Variants in UBAC2 observed in about 807,000 individuals in gnomAD.
UBAC2 encodes UBA domain containing 2.
Under a neutral mutation model 44.0 loss-of-function variants are expected in UBAC2, and 26 were observed. The observed-to-expected ratio is 0.59, with a 90% CI of 0.43 to 0.82. The LOEUF (loss-of-function observed/expected upper bound fraction) is 0.82. Ranked by LOEUF, UBAC2 falls within the 40% of genes least tolerant of loss-of-function variation. The pLI is 0.00. For synonymous variants in UBAC2, 155 were observed against 154.3 expected (o/e 1.00, Z -0.04); for missense variants, 329 against 419.4 (o/e 0.78, Z 1.88).
rs185739509 is a variant in UBAC2, at chr13:99,379,372, A to G, written c.928-5856A>G. Among the ~76,000 whole-genome samples the G allele has an allele frequency of 5.9e-5, 9 of 152,374 alleles. No individual in the cohort carries two copies. The South Asian group carries it at 1.0e-3, about 18-fold the overall frequency. On this transcript the variant is annotated intron_variant, in intron 8 of 8. Transcript: ENST00000403766. ...TTCTGGCATCAGATTTTTGTCAGCA[A>G]TGACCTTGGCAAACTCACCAATGAA...
At chr13:99,324,444 A>T (rs552790691) in intron 6 of UBAC2, among the ~76,000 whole-genome samples, 1 of 152,348 alleles carries the variant, frequency 6.6e-6, no homozygotes, top group African/African-American at 2.4e-5. Flanking sequence ...GCAGCTCCTC[A>T]GACTCCAGAA....
chr13:99,247,120 G>C (rs1222768166), intron 4 of UBAC2, among the ~76,000 whole-genome samples: 1 of 152,052 alleles, frequency 6.6e-6, no homozygotes, highest in Non-Finnish European at 1.5e-5. Context: ...GCAGGTGTGA[G>C]CCACTGCACC....
At chr13:99,282,557 T>C (rs116398056) in intron 4 of UBAC2, among the ~76,000 whole-genome samples, 2,653 of 152,310 alleles carry the variant, frequency 0.017, 78 homozygotes, top group African/African-American at 0.06. Context: ...ATAGGAAATA[T>C]GTTTTGTTCA....
At chr13:99,250,276 A>G (rs1220261323) in intron 4 of UBAC2, among the ~76,000 whole-genome samples, 1 of 152,200 alleles carries the variant, frequency 6.6e-6, no homozygotes, top group Non-Finnish European at 1.5e-5. Context: ...TTTTCTGCAT[A>G]TGACTAGCCA....
intron 2 of UBAC2, among the ~76,000 whole-genome samples, chr13:99,241,264 CAAAAA>C (rs35336464): frequency 2.6e-4 from 30 of 114,826 alleles, no homozygotes; most frequent in Non-Finnish European, 3.0e-4. Flanking sequence ...GACCCTGTCT[CAAAAA>C]AAAAAAAAAA....
At chr13:99,271,964 A>AT (rs1451272944) in intron 4 of UBAC2, among the ~76,000 whole-genome samples, 1 of 152,162 alleles carries the variant, frequency 6.6e-6, no homozygotes, top group Admixed American at 6.5e-5. Context: ...TTAGATTTTA[A>AT]TTTTTTGTTA....
intron 4 of UBAC2, among the ~76,000 whole-genome samples, chr13:99,273,598 T>G (rs1035126843): frequency 6.6e-6 from 1 of 152,094 alleles, no homozygotes; most frequent in South Asian, 2.1e-4. Context: ...TACCTTGCAG[T>G]GTGGCTGTTG....
intron 6 of UBAC2, among the ~76,000 whole-genome samples, chr13:99,338,056 T>TC (rs2044823828): frequency 1.2e-5 from 1 of 84,844 alleles, no homozygotes; most frequent in Non-Finnish European, 2.7e-5. Context: ...TCTTTTTTTT[T>TC]TTTTTTTTTT....
At chr13:99,244,088 G>A in intron 3 of UBAC2, 137 bp downstream of exon 3, 2 of 703,922 alleles carry the variant, frequency 2.8e-6, no homozygotes, top group Non-Finnish European at 2.2e-6. Flanking sequence ...CTGATTTGAG[G>A]CACATGGACA....
intron 7 of UBAC2, among the ~76,000 whole-genome samples, chr13:99,352,914 C>CGT (rs1201511504): frequency 1.3e-5 from 2 of 152,178 alleles, no homozygotes; most frequent in East Asian, 1.9e-4. Context: ...GGGCAGTGCA[C>CGT]GTGTGTTGCA....
At chr13:99,311,664 T>C (rs2044412524) in intron 4 of UBAC2, among the ~76,000 whole-genome samples, 1 of 152,260 alleles carries the variant, frequency 6.6e-6, no homozygotes, top group Non-Finnish European at 1.5e-5. Context: ...TCAGAATTAA[T>C]AATCTAATGG....
At chr13:99,383,916 CCTT>C (rs1412300287) in intron 8 of UBAC2, among the ~76,000 whole-genome samples, 2 of 152,250 alleles carry the variant, frequency 1.3e-5, no homozygotes, top group African/African-American at 4.8e-5. Flanking sequence ...ACTCTCTGCA[CCTT>C]CTTCCTCACC....
chr13:99,293,782 G>A (rs1238673177), intron 4 of UBAC2, among the ~76,000 whole-genome samples: 1 of 152,098 alleles, frequency 6.6e-6, no homozygotes, highest in East Asian at 1.9e-4. Flanking sequence ...TTGAAAATGG[G>A]TAAGATGAGA....
chr13:99,277,144 T>TA (rs139522463), intron 4 of UBAC2, among the ~76,000 whole-genome samples: 7 of 152,014 alleles, frequency 4.6e-5, no homozygotes, highest in East Asian at 1.9e-4. Context: ...CTTATACCTT[T>TA]AAAAAAAATC....
At chr13:99,369,425 T>C (rs2045377029) in intron 8 of UBAC2, among the ~76,000 whole-genome samples, 1 of 152,166 alleles carries the variant, frequency 6.6e-6, no homozygotes, top group Admixed American at 6.5e-5. Context: ...ACCGTTCTGT[T>C]TTTCACTTGC....
chr13:99,360,191 C>G (rs1225973012), intron 7 of UBAC2, among the ~76,000 whole-genome samples: 1 of 152,158 alleles, frequency 6.6e-6, no homozygotes, highest in Non-Finnish European at 1.5e-5. Context: ...GAAATATGTT[C>G]AGGTCTTCCA....
chr13:99,209,202 GC>G (rs2142650452), intron 1 of UBAC2, among the ~76,000 whole-genome samples: 1 of 152,100 alleles, frequency 6.6e-6, no homozygotes, highest in East Asian at 1.9e-4. Flanking sequence ...AGGCCATCGA[GC>G]CCCTACCTCA....
intron 1 of UBAC2, among the ~76,000 whole-genome samples, chr13:99,218,946 G>A (rs1392152285): frequency 6.6e-6 from 1 of 152,134 alleles, no homozygotes; most frequent in Non-Finnish European, 1.5e-5. Context: ...CAAGGCATGG[G>A]TTTACTGTGC....
chr13:99,383,344 C>G (rs1384573279), intron 8 of UBAC2, among the ~76,000 whole-genome samples: 1 of 48,006 alleles, frequency 2.1e-5, no homozygotes, highest in African/African-American at 6.0e-5. Context: ...TGATCATTTT[C>G]CAGCCAACCA....
Sources: allele counts gnomAD v4.1 joint callset (sites outside exome capture counted in the v4.1 genomes callset), GRCh38; gene constraint gnomAD v4.1.1; transcripts MANE v1.5; gene names NCBI Gene and HGNC (gene_info 2026-07-23, HGNC 2026-07-21).